FHIT: variants seen among roughly 807,000 people sequenced by gnomAD.
The protein encoded by FHIT is bis(5'-adenosyl)-triphosphatase.
Under a neutral mutation model 17.9 loss-of-function variants are expected in FHIT, and 19 were observed. That is an observed-to-expected ratio of 1.06 (90% confidence interval 0.74 to 1.56). The LOEUF is 1.56. Among genes scored for constraint, FHIT ranks in the 40% most tolerant of loss-of-function variants. The probability of loss-of-function intolerance (pLI) is 0.00; values close to 1 mark genes in which losing one functional copy is unlikely to be tolerated. For missense variants in FHIT, 248 were observed against 189.2 expected, an observed-to-expected ratio of 1.31 and a Z score of -1.82; for synonymous variants, 81 against 69.7, an observed-to-expected ratio of 1.16 and a Z score of -0.81.
intron 2 of FHIT, among the ~76,000 whole-genome samples, chr3:61,160,928 C>T (rs563327526): frequency 6.6e-6 from 1 of 152,236 alleles, no homozygotes; most frequent in East Asian, 1.9e-4. Flanking sequence ...AAAAAAGGCT[C>T]TTCTCTTTTG....
intron 5 of FHIT, among the ~76,000 whole-genome samples, chr3:60,233,500 C>T (rs1704608646): frequency 6.6e-6 from 1 of 152,120 alleles, no homozygotes; most frequent in African/African-American, 2.4e-5. Flanking sequence ...CTCCACCATG[C>T]TACCTAAAGC....
intron 4 of FHIT, among the ~76,000 whole-genome samples, chr3:60,568,671 C>G (rs368590194): frequency 3.3e-5 from 5 of 152,054 alleles, no homozygotes; most frequent in African/African-American, 1.2e-4. Context: ...ACAGTTGCCA[C>G]CTAACTACTA....
chr3:60,003,245 G>A (rs928220505), intron 7 of FHIT, among the ~76,000 whole-genome samples: 1 of 152,130 alleles, frequency 6.6e-6, no homozygotes. Context: ...CAGTAAGAAT[G>A]TTATCTGTGT....
At chr3:59,769,358 C>T (rs1164990256) in intron 8 of FHIT, among the ~76,000 whole-genome samples, 1 of 152,176 alleles carries the variant, frequency 6.6e-6, no homozygotes, top group Non-Finnish European at 1.5e-5. Context: ...CACAGTGACA[C>T]CTGCTCACCC....
intron 5 of FHIT, among the ~76,000 whole-genome samples, chr3:60,441,296 G>C (rs1329795879): frequency 6.6e-6 from 1 of 151,924 alleles, no homozygotes; most frequent in Non-Finnish European, 1.5e-5. Flanking sequence ...GTCAATGCAG[G>C]GAGTTTACTC....
chr3:60,790,314 G>A (rs1700731286), intron 4 of FHIT, among the ~76,000 whole-genome samples: 1 of 152,142 alleles, frequency 6.6e-6, no homozygotes, highest in South Asian at 2.1e-4. Context: ...CATGAAAATA[G>A]TCAAAATTAA....
intron 4 of FHIT, among the ~76,000 whole-genome samples, chr3:60,698,752 G>C (rs1188083663): frequency 6.6e-6 from 1 of 151,870 alleles, no homozygotes; most frequent in Non-Finnish European, 1.5e-5. Flanking sequence ...AATTTTTAAA[G>C]CATTTCCAGT....
intron 5 of FHIT, among the ~76,000 whole-genome samples, chr3:60,522,396 C>T (rs931600541): frequency 6.6e-6 from 1 of 152,204 alleles, no homozygotes; most frequent in African/African-American, 2.4e-5. Context: ...AGGCATGAGT[C>T]ACTATGCCCA....
Position 60,898,167 on chromosome 3 carries a change from T to C in FHIT, c.-110-76156A>G, listed in dbSNP as rs369337238. ...TTTTGTAATCTGTTTCCATTTTCAT[T>C]TAATATAAACATCTTTCCATGTTAC... is the stretch of plus-strand genomic sequence containing the variant. On this transcript the variant is annotated intron_variant, in intron 3 of 9. Coordinates refer to ENST00000492590, the MANE Select transcript of FHIT (RefSeq NM_002012.4). 1.5e-4 allele frequency among the ~76,000 whole-genome samples: 23 copies of C among 152,298 alleles called. 1 individual carries two copies. In the East Asian group the frequency reaches 2.5e-3, roughly 17 times the overall value.
chr3:61,129,185 T>A (rs2036695824), intron 2 of FHIT, among the ~76,000 whole-genome samples: 1 of 152,210 alleles, frequency 6.6e-6, no homozygotes, highest in African/African-American at 2.4e-5. Context: ...TTTCTAGAAA[T>A]GTTTCATGTG....
chr3:60,187,911 T>C (rs1046306329), intron 5 of FHIT, among the ~76,000 whole-genome samples: 1 of 152,312 alleles, frequency 6.6e-6, no homozygotes, highest in African/African-American at 2.4e-5. Context: ...TTCTACCTAT[T>C]TATGTGGGGA....
intron 4 of FHIT, 148 bp downstream of exon 4, chr3:60,821,771 C>A (rs544803415): frequency 6.6e-6 from 1 of 152,224 alleles, no homozygotes; most frequent in African/African-American, 2.4e-5. Context: ...AGGGTAAATT[C>A]TCCAAGGGAA....
intron 5 of FHIT, among the ~76,000 whole-genome samples, chr3:60,086,723 G>C (rs4597671): frequency 1.3e-5 from 2 of 152,186 alleles, no homozygotes; most frequent in Non-Finnish European, 2.9e-5. Context: ...CTACATCCTA[G>C]GTACTGCAAG....
chr3:60,457,181 T>C (rs992067616), intron 5 of FHIT, among the ~76,000 whole-genome samples: 2 of 151,862 alleles, frequency 1.3e-5, no homozygotes, highest in Non-Finnish European at 2.9e-5. Context: ...CTTCAAACAA[T>C]ACTACAAGGC....
intron 5 of FHIT, among the ~76,000 whole-genome samples, chr3:60,185,651 G>GGATTGTAT (rs1702128745): frequency 6.6e-6 from 1 of 152,122 alleles, no homozygotes; most frequent in South Asian, 2.1e-4. Flanking sequence ...TATGACTGCT[G>GGATTGTAT]GATTGTATGG....
chr3:60,726,116 A>G (rs377693658), intron 4 of FHIT, among the ~76,000 whole-genome samples: 1 of 152,294 alleles, frequency 6.6e-6, no homozygotes, highest in East Asian at 1.9e-4. Context: ...CTGGTAGATG[A>G]CATTCCCAGT....
At chr3:60,369,299 A>G (rs1185326431) in intron 5 of FHIT, among the ~76,000 whole-genome samples, 2 of 152,086 alleles carry the variant, frequency 1.3e-5, no homozygotes, top group Non-Finnish European at 2.9e-5. Context: ...TAGAATTTCT[A>G]TTTGATTTTT....
intron 5 of FHIT, among the ~76,000 whole-genome samples, chr3:60,405,374 G>T (rs931843300): frequency 2.0e-5 from 3 of 152,074 alleles, no homozygotes; most frequent in African/African-American, 7.2e-5. Context: ...TCCATAAAAG[G>T]TCCCAGACCC....
intron 4 of FHIT, among the ~76,000 whole-genome samples, chr3:60,570,464 A>G (rs983350437): frequency 2.0e-5 from 3 of 152,058 alleles, no homozygotes; most frequent in African/African-American, 7.2e-5. Context: ...TCAGGAGGAG[A>G]TAAGAACCTG....
Sources: gnomAD v4.1 joint callset for allele counts (sites outside exome capture counted in the v4.1 genomes callset) on GRCh38, gnomAD v4.1.1 for gene constraint, MANE v1.5 for transcripts, NCBI Gene and HGNC (gene_info 2026-07-23, HGNC 2026-07-21) for gene names.